Variants in KCNH3 observed in about 807,000 individuals in gnomAD.
The protein encoded by KCNH3 is voltage-gated inwardly rectifying potassium channel KCNH3.
In KCNH3, 36 loss-of-function variants were observed where a neutral mutation model predicts 95.6. That is an observed-to-expected ratio of 0.38 (90% CI 0.29 to 0.50). KCNH3 has a LOEUF of 0.50. KCNH3 is among the 20% of genes least tolerant of loss of function. The pLI, the probability that KCNH3 is intolerant of heterozygous loss-of-function variation, is 0.95. For synonymous variants in KCNH3, 620 were observed against 646.3 expected (o/e 0.96, Z 0.62); for missense variants, 1,030 against 1,484.1 (o/e 0.69, Z 5.03).
chr12:49,540,296 A>T (rs1429423662), intron 1 of KCNH3, among the ~76,000 whole-genome samples: 1 of 152,088 alleles, frequency 6.6e-6, no homozygotes, highest in East Asian at 1.9e-4. Context: ...CAGCCTGCTG[A>T]TTCAGTGCCC....
intron 5 of KCNH3, 59 bp from the exon 6 acceptor site, chr12:49,543,856 C>T (rs1937957562): frequency 2.6e-6 from 4 of 1,563,074 alleles, no homozygotes; most frequent in African/African-American, 1.4e-5. Context: ...AGCAGGTGTC[C>T]AGGCAAGAGT....
rs1938560901 is a variant in KCNH3, at chr12:49,558,331, AG to A, written c.*379del. The stretch of plus-strand genomic sequence containing the variant: ...GAACCTGGTGCTTTTTATTTACAAA[AG>A]AAAAACAATAAAAGAAGAGTCTGAG... On this transcript the variant is annotated 3_prime_UTR_variant, in exon 15 of 15. Coordinates refer to ENST00000257981, the MANE Select transcript of KCNH3 (RefSeq NM_012284.3). The A allele has an allele frequency of 2.5e-6, 1 of 405,616 alleles. No individual in the cohort carries two copies. The highest frequency in any genetic ancestry group is 1.2e-4 in the South Asian group (1 of 8,200). The allele number at this position is 405,616 out of a possible 1,614,324, so 25.1% of individuals were successfully genotyped here. A position where few individuals can be genotyped will look rare whatever the true frequency, so the allele number is the denominator to read the frequency against.
At position 49,554,507 on chromosome 12, in the gene KCNH3, C is replaced by T; in HGVS notation, c.2089C>T (p.Arg697Ter). Residue 697 changes from arginine (R) to a stop codon, truncating the protein, a stop_gained, in exon 11 of 15, where the codon CGA (arginine) becomes TGA (stop). Coordinates refer to ENST00000257981, the MANE Select transcript of KCNH3 (RefSeq NM_012284.3). LOFTEE classifies it high-confidence loss of function. ...TGCCCCGCGCTTCAGTCGTGGCCTC[C>T]GAGGGGAGCTCAGCTACAACCTGGG... ...EFAPRFSRGLRGELSYNLGAG... is the reference protein window; with the variant it reads ...EFAPRFSRGL 6.2e-7 allele frequency: 1 copy of T among 1,613,674 alleles called. No homozygotes were observed. Among genetic ancestry groups the T allele is most frequent in the African/African-American group, 1.3e-5 (1 of 75,064 alleles).
chr12:49,555,102 AACAC>A (rs1938388490), intron 11 of KCNH3, among the ~76,000 whole-genome samples: 1 of 152,052 alleles, frequency 6.6e-6, no homozygotes, highest in Non-Finnish European at 1.5e-5. Flanking sequence ...AGAGGTAGTT[AACAC>A]CTCCAGGGCT....
intron 2 of KCNH3, 26 bp downstream of exon 2, chr12:49,541,158 C>T: frequency 6.4e-7 from 1 of 1,565,964 alleles, no homozygotes; most frequent in African/African-American, 1.3e-5. Flanking sequence ...GCCAGCCTGC[C>T]TCACCTTTGC....
Position 49,557,426 on chromosome 12 carries a change from G to T in KCNH3, c.2725G>T (p.Val909Phe). The change falls in exon 15 of 15, where the codon GTC becomes TTC. Residue 909 changes from valine (V) to phenylalanine (F), a missense_variant. Around this residue, in one of 9 missense-constraint regions of KCNH3, gnomAD observed 464 missense variants for 493.2 expected, o/e 0.94. Transcript: ENST00000257981. ...LQSLRQAVQL[V>F]LAPHREGPCP... Reference sequence around the variant, plus strand: ...GTCACTTCGCCAGGCTGTGCAGCTTGTCCTGGCGCCCCACAGGGAGGGTCC... The same window carrying T: ...GTCACTTCGCCAGGCTGTGCAGCTTTTCCTGGCGCCCCACAGGGAGGGTCC... The T allele has an allele frequency of 6.2e-7, 1 of 1,605,306 alleles. No homozygotes were observed.
At chr12:49,553,598 C>T (rs536081995) in intron 10 of KCNH3, among the ~76,000 whole-genome samples, 1 of 152,292 alleles carries the variant, frequency 6.6e-6, no homozygotes, top group South Asian at 2.1e-4. Context: ...CACATCTCAC[C>T]CACCCTACCC....
intron 4 of KCNH3, 92 bp downstream of exon 4, chr12:49,542,931 A>G: frequency 1.4e-6 from 2 of 1,478,002 alleles, no homozygotes; most frequent in Non-Finnish European, 1.8e-6. Flanking sequence ...AGAATGTCCT[A>G]GGGGCCACCC....
intron 13 of KCNH3, 118 bp from the exon 14 acceptor site, chr12:49,557,065 A>C: frequency 1.0e-6 from 1 of 989,668 alleles, no homozygotes; most frequent in Non-Finnish European, 1.5e-6. Context: ...AGAAGAGATG[A>C]TCCTAGGAGT....
intron 1 of KCNH3, 114 bp from the exon 2 acceptor site, chr12:49,540,785 G>T: frequency 1.3e-6 from 1 of 769,176 alleles, no homozygotes; most frequent in East Asian, 2.6e-5. Flanking sequence ...AACACACGCA[G>T]GATTCCTGGG....
Position 49,555,811 on chromosome 12 carries a change from G to A in KCNH3, c.2328G>A (p.Arg776=), listed in dbSNP as rs1315306066. The part of the protein sequence containing the change: ...KLLSPRRTAP[R]PRLGGRGRPG... Reference sequence around the variant, plus strand: ...TATCCCCACGTCGAACAGCACCCCGGCCTCGTCTAGGTGGCAGAGGGAGGC... The same window carrying A: ...TATCCCCACGTCGAACAGCACCCCGACCTCGTCTAGGTGGCAGAGGGAGGC... Residue 776 remains arginine (R), a synonymous_variant, in exon 12 of 15, where the codon CGG becomes CGA. Coordinates refer to ENST00000257981, the MANE Select transcript of KCNH3 (RefSeq NM_012284.3). The A allele has an allele frequency of 6.2e-7, 1 of 1,613,456 alleles. No individual in the cohort carries two copies.
In KCNH3 at chr12:49,554,507, C is replaced by A; in HGVS notation, c.2089C>A (p.Arg697=). 2 of 1,613,674 alleles carry A rather than the reference C, an allele frequency of 1.2e-6. No individual in the cohort carries two copies. Among genetic ancestry groups the A allele is most frequent in the Non-Finnish European group, 1.7e-6 (2 of 1,179,910 alleles). ...EFAPRFSRGL[R]GELSYNLGAG... ...TGCCCCGCGCTTCAGTCGTGGCCTC[C>A]GAGGGGAGCTCAGCTACAACCTGGG... Residue 697 remains arginine (R), a synonymous_variant, in exon 11 of 15, where the codon CGA becomes AGA. Coordinates refer to ENST00000257981, the MANE Select transcript of KCNH3 (RefSeq NM_012284.3).
intron 12 of KCNH3, 200 bp downstream of exon 12, chr12:49,556,151 G>A (rs1281425298): frequency 3.0e-5 from 18 of 595,398 alleles, no homozygotes; most frequent in East Asian, 1.4e-4. Flanking sequence ...TGTGGCACAC[G>A]CTGCTCTGAA....
At chr12:49,549,750 C>T (rs1938195336) in intron 9 of KCNH3, 110 bp downstream of exon 9, 1 of 1,067,028 alleles carries the variant, frequency 9.4e-7, no homozygotes, top group South Asian at 1.5e-5. Context: ...GGCCCCTGTG[C>T]CTCCCTTCTC....
chr12:49,550,043 T>TGGG, intron 9 of KCNH3, 37 bp from the exon 10 acceptor site: 3 of 1,299,530 alleles, frequency 2.3e-6, no homozygotes, highest in Non-Finnish European at 3.2e-6. Flanking sequence ...CTTCTGCCAC[T>TGGG]CCCAACCCCC....
At chr12:49,553,120 C>T (rs1304190105) in intron 10 of KCNH3, among the ~76,000 whole-genome samples, 1 of 149,958 alleles carries the variant, frequency 6.7e-6, no homozygotes, top group Non-Finnish European at 1.5e-5. Context: ...GCCCGGACTG[C>T]GTGCCTATCC....
Position 49,539,287 on chromosome 12 carries a change from G to C in KCNH3, c.-130G>C. On this transcript the variant is annotated 5_prime_UTR_variant, in exon 1 of 15. Transcript: ENST00000257981. The surrounding 1 kb of genome is among the most constrained non-coding windows in gnomAD (Gnocchi z 6.7). ...CCGGCGCGACCCCGGATCCCGGTCTGCGCATTGCCCCCCGACGGCTGCGCT... is the reference window on the plus strand; with the variant it reads ...CCGGCGCGACCCCGGATCCCGGTCTCCGCATTGCCCCCCGACGGCTGCGCT... 1 of 384,694 alleles carries C rather than the reference G, an allele frequency of 2.6e-6. No individual in the cohort carries two copies. The highest frequency in any genetic ancestry group is 4.2e-6 in the Non-Finnish European group (1 of 237,046). 23.8% of individuals were successfully genotyped at this position (384,694 alleles called of 1,614,324 possible).
chr12:49,541,899 C>T, intron 3 of KCNH3, 135 bp downstream of exon 3: 1 of 849,140 alleles, frequency 1.2e-6, no homozygotes, highest in Non-Finnish European at 1.9e-6. Flanking sequence ...CCTGAGAGGC[C>T]TGTGCTGCTC....
chr12:49,557,729 T>A lies in KCNH3; in HGVS notation c.3028T>A (p.Ser1010Thr). 1 of 1,613,554 alleles carries A rather than the reference T, an allele frequency of 6.2e-7. No individual in the cohort carries two copies. Among genetic ancestry groups the A allele is most frequent in the Non-Finnish European group, 8.5e-7 (1 of 1,179,922 alleles). ...GCCCCCTGCCTCAGGAGACCTCTGC[T>A]CTGAGCCCAGCACCCCTGCCTCCCC... ...SEPPASGDLC[S>T]EPSTPASPPP... is the part of the protein sequence containing the mutation. The change falls in exon 15 of 15, where the codon TCT (serine) becomes ACT (threonine). Residue 1010 changes from serine to threonine, a missense_variant. Physicochemically the swap from Ser to Thr is moderately conservative, Grantham distance 58. Coordinates refer to ENST00000257981, the MANE Select transcript of KCNH3 (RefSeq NM_012284.3).
Sources: gnomAD v4.1 joint callset for allele counts (sites outside exome capture counted in the v4.1 genomes callset) on GRCh38, gnomAD v4.1.1 for gene constraint, gnomAD v4.1.1 regional missense constraint, Gnocchi (gnomAD v3.1) non-coding constraint, MANE v1.5 for transcripts, NCBI Gene and HGNC (gene_info 2026-07-23, HGNC 2026-07-21) for gene names.